The following RGS8 variants were observed in gnomAD, a reference collection of about 807,000 sequenced individuals.
The protein encoded by RGS8 is regulator of G protein signaling 8.
A neutral mutation model predicts 21.7 loss-of-function variants in RGS8; 8 were observed. The ratio of observed to expected loss-of-function variants is 0.37; its 90% confidence interval spans 0.22 to 0.66. The LOEUF (loss-of-function observed/expected upper bound fraction) is 0.66, where lower values mean the gene tolerates loss of function less well. Ranked by LOEUF, RGS8 falls within the 30% of genes least tolerant of loss-of-function variation. RGS8 has a pLI of 0.59. For missense variants in RGS8, 157 were observed against 217.9 expected, an observed-to-expected ratio of 0.72 and a Z score of 1.76; for synonymous variants, 80 against 83.6, an observed-to-expected ratio of 0.96 and a Z score of 0.24.
At chr1:182,672,761 GCACATGATCCCTATTTTT>G, upstream of RGS8, 1 of 1,599,870 alleles carries the variant, frequency 6.3e-7, no homozygotes, top group South Asian at 1.1e-5. Flanking sequence ...TGCCCGATCT[GCACATGATCCCTATTTTT>G]CTGTCTTTTC....
rs558239975 is a variant in RGS8 at position 182,661,810 on chromosome 1, A to T, written c.193+4159T>A. ...AAGTCTCCTGAGTGTACACACATTCACACACACACACACACACACACACAC... is the reference window on the plus strand; with the variant it reads ...AAGTCTCCTGAGTGTACACACATTCTCACACACACACACACACACACACAC... On this transcript the variant is annotated intron_variant, in intron 5 of 6. Transcript: ENST00000483095. Among the ~76,000 whole-genome samples the T allele has an allele frequency of 5.8e-5, 6 of 103,722 alleles. No individual in the cohort carries two copies. The East Asian group carries it at 1.3e-3, about 23-fold the overall frequency. The allele number at this position is 103,722 out of a possible 152,430, so 68.0% of individuals were successfully genotyped here. A position where few individuals can be genotyped will look rare whatever the true frequency, so the allele number is the denominator to read the frequency against.
At chr1:182,731,987 T>C in the RGS8 span, among the ~76,000 whole-genome samples, 22 of 152,132 alleles carry the variant, frequency 1.4e-4, no homozygotes, top group African/African-American at 5.3e-4. Flanking sequence ...GTGGGAAAGT[T>C]ACTGCAATGA....
chr1:182,704,022 A>G, the RGS8 span, among the ~76,000 whole-genome samples: 3 of 152,242 alleles, frequency 2.0e-5, no homozygotes, highest in African/African-American at 7.2e-5. Context: ...CAATATATAA[A>G]GACTTTACAT....
chr1:182,642,260 T>C (rs1662499180), downstream of RGS8: 2 of 152,270 alleles, frequency 1.3e-5, no homozygotes, highest in Non-Finnish European at 2.9e-5. Context: ...CCGAGTGGCA[T>C]GGTGGGACAG....
the RGS8 span, among the ~76,000 whole-genome samples, chr1:182,699,293 C>T: frequency 2.0e-5 from 3 of 152,126 alleles, no homozygotes; most frequent in Non-Finnish European, 4.4e-5. Flanking sequence ...GGGTGTTTCT[C>T]GCCTGGCTCG....
intron 4 of RGS8, 95 bp downstream of exon 5, chr1:182,666,777 T>C (rs1294165850): frequency 1.1e-6 from 1 of 884,032 alleles, no homozygotes; most frequent in African/African-American, 1.6e-5. Context: ...AGACAGGATT[T>C]TTCCAGTGGC....
the RGS8 span, among the ~76,000 whole-genome samples, chr1:182,729,150 A>G: frequency 6.6e-6 from 1 of 152,226 alleles, no homozygotes; most frequent in East Asian, 1.9e-4. Flanking sequence ...TTTTAATGAA[A>G]TGGTTGATTG....
At chr1:182,659,670 G>T (rs1051294876) in intron 5 of RGS8, among the ~76,000 whole-genome samples, 5 of 152,176 alleles carry the variant, frequency 3.3e-5, no homozygotes, top group African/African-American at 9.7e-5. Context: ...CTGCACTCCA[G>T]CTTGGGCAAC....
the RGS8 span, among the ~76,000 whole-genome samples, chr1:182,707,579 T>G: frequency 6.6e-6 from 1 of 152,206 alleles, no homozygotes; most frequent in African/African-American, 2.4e-5. Context: ...CCAGATGATC[T>G]TTATGGTTTG....
chr1:182,646,527 C>A (rs1662707950), exon 7 of RGS8: 4 of 549,472 alleles, frequency 7.3e-6, no homozygotes, highest in Non-Finnish European at 3.2e-6. Context: ...CTACCACTAA[C>A]CAAAACACAA....
At chr1:182,734,659 A>G in the RGS8 span, 1 of 152,206 alleles carries the variant, frequency 6.6e-6, no homozygotes, top group African/African-American at 2.4e-5. Context: ...CTGTAATAGA[A>G]TCTACTAATA....
intron 5 of RGS8, among the ~76,000 whole-genome samples, chr1:182,653,936 G>A (rs1324576989): frequency 6.6e-6 from 1 of 152,222 alleles, no homozygotes; most frequent in Non-Finnish European, 1.5e-5. Flanking sequence ...AGCTGGAGAA[G>A]ATGGTAGCGC....
intron 2 of RGS8, among the ~76,000 whole-genome samples, chr1:182,670,944 T>C (rs974792692): frequency 1.4e-4 from 22 of 152,174 alleles, no homozygotes; most frequent in African/African-American, 5.3e-4. Context: ...TTGGGGCACC[T>C]AGGCCTCTTG....
chr1:182,701,963 A>C, the RGS8 span, among the ~76,000 whole-genome samples: 3 of 152,216 alleles, frequency 2.0e-5, no homozygotes, highest in Non-Finnish European at 4.4e-5. Flanking sequence ...CAGAGGAAAA[A>C]ATAACACTTA....
At chr1:182,716,696 C>G in the RGS8 span, among the ~76,000 whole-genome samples, 1 of 152,040 alleles carries the variant, frequency 6.6e-6, no homozygotes, top group Non-Finnish European at 1.5e-5. Context: ...TGAGTTTAAA[C>G]CATGATCTGT....
downstream of RGS8, chr1:182,645,986 T>C (rs140330790): frequency 6.6e-6 from 1 of 152,336 alleles, no homozygotes; most frequent in East Asian, 1.9e-4. Context: ...CTTCGTAGAA[T>C]TGAGGAAGAT....
chr1:182,720,982 T>C, the RGS8 span, among the ~76,000 whole-genome samples: 3 of 62,208 alleles, frequency 4.8e-5, no homozygotes, highest in Admixed American at 4.6e-4. Flanking sequence ...TATACATATA[T>C]ACACATATAT....
At chr1:182,724,850 G>T in the RGS8 span, among the ~76,000 whole-genome samples, 4 of 152,186 alleles carry the variant, frequency 2.6e-5, no homozygotes, top group Admixed American at 6.5e-5. Context: ...GAGCCACCGC[G>T]CCCGGCCTAG....
the RGS8 span, among the ~76,000 whole-genome samples, chr1:182,749,908 T>G: frequency 6.6e-6 from 1 of 152,164 alleles, no homozygotes; most frequent in Non-Finnish European, 1.5e-5. Flanking sequence ...GGCCCCAGTG[T>G]GTGTTGTTCC....
Sources: gnomAD v4.1 joint callset for allele counts (sites outside exome capture counted in the v4.1 genomes callset) on GRCh38, gnomAD v4.1.1 for gene constraint, MANE v1.5 for transcripts, NCBI Gene and HGNC (gene_info 2026-07-23, HGNC 2026-07-21) for gene names.